EXOC3: variants seen among roughly 807,000 people sequenced by gnomAD.
The protein encoded by EXOC3 is SEC6-like 1.
EXOC3 carries 21 observed loss-of-function variants against 73.7 expected under a neutral mutation model. The ratio of observed to expected loss-of-function variants is 0.29; its 90% confidence interval spans 0.20 to 0.41. EXOC3 has a LOEUF of 0.41. EXOC3 is among the 10% of genes least tolerant of loss of function. EXOC3 has a pLI of 1.00. For synonymous variants in EXOC3, 410 were observed against 389.1 expected (o/e 1.05, Z -0.63); for missense variants, 842 against 985.1 (o/e 0.85, Z 1.95).
intron 1 of EXOC3, among the ~76,000 whole-genome samples, chr5:444,137 G>A (rs1737434497): frequency 6.6e-6 from 1 of 152,254 alleles, no homozygotes; most frequent in Non-Finnish European, 1.5e-5. Context: ...CCCCCGCTCG[G>A]CGGAGAGGCT....
rs1738073330 is a variant in EXOC3, at chr5:464,339, C to T, written c.1703C>T (p.Ala568Val). 1.9e-6 allele frequency: 3 copies of T among 1,613,376 alleles called. No homozygotes were observed. The highest frequency in any genetic ancestry group is 1.3e-5 in the African/African-American group (1 of 74,932). The stretch of plus-strand genomic sequence containing the variant: ...AAGAAGTGGCTATTAGGGTCAAACG[C>T]TGTAGACATTATCTGTGTCACCGTG... ...MTKKWLLGSNAVDIICVTVED... is the reference protein window; with the variant it reads ...MTKKWLLGSNVVDIICVTVED... Residue 568 changes from alanine (A) to valine (V), a missense_variant, in exon 10 of 13, where the codon GCT (alanine) becomes GTT (valine). Coordinates refer to ENST00000512944, the MANE Select transcript of EXOC3 (RefSeq NM_007277.5).
chr5:457,840 A>T, intron 5 of EXOC3, 60 bp from the exon 6 acceptor site: 3 of 1,550,926 alleles, frequency 1.9e-6, no homozygotes, highest in Non-Finnish European at 2.6e-6. Flanking sequence ...GGTAATTGGC[A>T]TGACCCTCAG....
intron 7 of EXOC3, chr5:459,704 G>A: frequency 3.2e-6 from 1 of 309,940 alleles, no homozygotes; most frequent in Non-Finnish European, 5.9e-6. Flanking sequence ...CCTTAGCGAT[G>A]CGCCGGATGA....
chr5:465,903 C>A, intron 12 of EXOC3, 58 bp downstream of exon 12: 1 of 1,544,014 alleles, frequency 6.5e-7, no homozygotes, highest in African/African-American at 1.4e-5. Context: ...GCGGCAGGTC[C>A]CTCCTTCTGT....
intron 2 of EXOC3, chr5:447,226 G>A (rs952010341): frequency 3.9e-6 from 1 of 254,068 alleles, no homozygotes; most frequent in East Asian, 8.1e-5. Context: ...AGCAGGCCAC[G>A]GCCCAGGGCA....
In EXOC3 at chr5:453,721, G is replaced by A; in HGVS notation, c.716G>A (p.Gly239Glu). ...RKKQTGFVPP[G>E]RPKNWKEKMF... ...AAGCAAACTGGCTTTGTTCCTCCTGGGAGGCCCAAGAATTGGAAGGAGAAA... is the reference window on the plus strand; with the variant it reads ...AAGCAAACTGGCTTTGTTCCTCCTGAGAGGCCCAAGAATTGGAAGGAGAAA... Residue 239 changes from glycine (G) to glutamate (E), a missense_variant, in exon 4 of 13, where the codon GGG (glycine) becomes GAG (glutamate). Coordinates refer to ENST00000512944, the MANE Select transcript of EXOC3 (RefSeq NM_007277.5). 2 of 1,613,946 alleles carry A rather than the reference G, an allele frequency of 1.2e-6. No individual in the cohort carries two copies. The highest frequency in any genetic ancestry group is 1.7e-6 in the Non-Finnish European group (2 of 1,179,906).
intron 10 of EXOC3, 177 bp from the exon 11 acceptor site, chr5:464,934 T>TC: frequency 1.5e-6 from 1 of 668,258 alleles, no homozygotes. Context: ...CCGTCACTGT[T>TC]CCCCCACTGA....
At position 443,235 on chromosome 5, in the gene EXOC3, C is replaced by CGGG. The variant is rs1294520230; in HGVS notation, c.-110_-109insGGG. 50 of 2,914 alleles carry CGGG rather than the reference C, an allele frequency of 0.017. 2 individuals are homozygous for CGGG. The highest frequency in any genetic ancestry group is 0.05 in the African/African-American group (7 of 140). The allele number at this position is 2,914 out of a possible 1,614,324, so 0.2% of individuals were successfully genotyped here. A position where few individuals can be genotyped will look rare whatever the true frequency, so the allele number is the denominator to read the frequency against. ...AAGGCGGAGGGGGCGGCGGGGGCGG[C>CGGG]GGCGGCGGCGGCGGCGGCGGCGGCG... is the stretch of plus-strand genomic sequence containing the variant. On this transcript the variant is annotated 5_prime_UTR_variant, in exon 1 of 13. Coordinates refer to ENST00000512944, the MANE Select transcript of EXOC3 (RefSeq NM_007277.5).
chr5:447,812 A>G (rs1371398673), intron 3 of EXOC3, 60 bp downstream of exon 3: 2 of 1,248,852 alleles, frequency 1.6e-6, no homozygotes, highest in African/African-American at 1.5e-5. Flanking sequence ...TGACTCACTG[A>G]GTGCTCTGTG....
At chr5:457,417 C>A (rs564036204) in intron 5 of EXOC3, 2 of 249,696 alleles carry the variant, frequency 8.0e-6, no homozygotes, top group East Asian at 1.0e-4. Context: ...AGGAGGTCAG[C>A]AGGGTCTGCT....
intron 4 of EXOC3, among the ~76,000 whole-genome samples, chr5:456,634 G>T (rs530572643): frequency 1.2e-4 from 19 of 152,232 alleles, no homozygotes; most frequent in African/African-American, 4.3e-4. Context: ...AGACCCCAAA[G>T]CCCTCGGCCC....
rs1738172143 is a variant in EXOC3 at position 467,003 on chromosome 5, G to C, written c.*105G>C. The C allele has an allele frequency of 1.7e-6, 2 of 1,192,820 alleles. No homozygotes were observed. The highest frequency in any genetic ancestry group is 2.3e-6 in the Non-Finnish European group (2 of 852,982). 73.9% of individuals were successfully genotyped at this position (1,192,820 alleles called of 1,614,324 possible). On this transcript the variant is annotated 3_prime_UTR_variant, in exon 13 of 13. Coordinates refer to ENST00000512944, the MANE Select transcript of EXOC3 (RefSeq NM_007277.5). ...TTGGCCACACGTGCTCCTTTTAGCT[G>C]CACGGCCTGTCTTTAGGTGCCAGTG...
chr5:461,573 A>G (rs1737986000), intron 7 of EXOC3: 1 of 191,056 alleles, frequency 5.2e-6, no homozygotes. Flanking sequence ...AGGTCTCACC[A>G]CTGCACTCCA....
chr5:461,753 T>C, intron 7 of EXOC3: 3 of 551,034 alleles, frequency 5.4e-6, no homozygotes, highest in Non-Finnish European at 9.7e-6. Flanking sequence ...AAGCCTGAGG[T>C]GAAGTTATTT....
rs1237438517 is a variant in EXOC3, at chr5:453,352, C to G, written c.365-18C>G. 1.3e-6 allele frequency: 2 copies of G among 1,549,800 alleles called. No homozygotes were observed. Among genetic ancestry groups the G allele is most frequent in the African/African-American group, 2.7e-5 (2 of 73,284 alleles). ...GTGGTGGTGGTTGTTTATGTTGTGT[C>G]TTGTGCCTTCTCCCTAGTGCCTGAG... On this transcript the variant is annotated intron_variant, in intron 3 of 12. Transcript: ENST00000512944.
At chr5:451,643 T>C (rs1253825264) in intron 3 of EXOC3, among the ~76,000 whole-genome samples, 1 of 152,244 alleles carries the variant, frequency 6.6e-6, no homozygotes, top group African/African-American at 2.4e-5. Flanking sequence ...TTTACCTTTT[T>C]TGAGGCCTTT....
intron 3 of EXOC3, 93 bp downstream of exon 3, chr5:447,845 ACTGTAGAC>A (rs1648473306): frequency 3.5e-6 from 3 of 853,512 alleles, no homozygotes; most frequent in African/African-American, 1.7e-5. Flanking sequence ...TGCAGCCCGC[ACTGTAGAC>A]CTGTAGACGG....
intron 4 of EXOC3, among the ~76,000 whole-genome samples, chr5:456,400 G>C (rs113022105): frequency 6.6e-6 from 1 of 151,998 alleles, no homozygotes; most frequent in African/African-American, 2.4e-5. Flanking sequence ...GGCTGTGGGG[G>C]CGGCTGTGCT....
chr5:454,733 G>A (rs1737754206), intron 4 of EXOC3, among the ~76,000 whole-genome samples: 1 of 152,118 alleles, frequency 6.6e-6, no homozygotes, highest in African/African-American at 2.4e-5. Flanking sequence ...TTAGGTAGCC[G>A]AAATGAAAAT....
Sources: allele counts gnomAD v4.1 joint callset (sites outside exome capture counted in the v4.1 genomes callset), GRCh38; gene constraint gnomAD v4.1.1; transcripts MANE v1.5; gene names NCBI Gene and HGNC (gene_info 2026-07-23, HGNC 2026-07-21).